Variants in RAD18 observed in about 807,000 individuals in gnomAD.
The protein encoded by RAD18 is RAD18 E3 ubiquitin protein ligase.
RAD18 carries 47 observed loss-of-function variants against 60.4 expected under a neutral mutation model. The observed-to-expected ratio is 0.78, with a 90% CI of 0.62 to 0.99. The LOEUF (loss-of-function observed/expected upper bound fraction) is 0.99, where lower values mean the gene tolerates loss of function less well. Ranked by LOEUF, RAD18 falls within the 50% of genes least tolerant of loss-of-function variation. The pLI, the probability that RAD18 is intolerant of heterozygous loss-of-function variation, is 0.00. For missense variants in RAD18, 640 were observed against 593.3 expected (o/e 1.08, Z -0.82); for synonymous variants, 225 against 195.5 (o/e 1.15, Z -1.26).
At chr3:8,939,777 G>C in intron 5 of RAD18, 124 bp from the exon 6 acceptor site, 2 of 760,692 alleles carry the variant, frequency 2.6e-6, no homozygotes, top group Non-Finnish European at 4.1e-6. Flanking sequence ...ACTTAGAAAA[G>C]CAGAAAAGAA....
At chr3:8,917,162 C>T (rs1940215484) in intron 7 of RAD18, among the ~76,000 whole-genome samples, 1 of 152,142 alleles carries the variant, frequency 6.6e-6, no homozygotes, top group Non-Finnish European at 1.5e-5. Flanking sequence ...AATAGAGTGA[C>T]ATCTTTAAAG....
chr3:8,951,869 T>C (rs1940930904), intron 2 of RAD18, among the ~76,000 whole-genome samples: 2 of 152,160 alleles, frequency 1.3e-5, no homozygotes, highest in Admixed American at 1.3e-4. Flanking sequence ...GCCAATATGG[T>C]AAGTTTATGC....
intron 2 of RAD18, among the ~76,000 whole-genome samples, chr3:8,958,192 T>G (rs1409564230): frequency 6.6e-6 from 1 of 152,230 alleles, no homozygotes; most frequent in Non-Finnish European, 1.5e-5. Context: ...CAGAAACTTT[T>G]CCACCAAAGC....
chr3:8,950,900 T>C (rs1940916511), intron 2 of RAD18, among the ~76,000 whole-genome samples: 1 of 152,174 alleles, frequency 6.6e-6, no homozygotes, highest in Non-Finnish European at 1.5e-5. Flanking sequence ...GGTTCATTAA[T>C]AGATTGAACA....
intron 11 of RAD18, among the ~76,000 whole-genome samples, chr3:8,897,128 T>C (rs566242075): frequency 6.6e-6 from 1 of 152,294 alleles, no homozygotes; most frequent in Admixed American, 6.5e-5. Flanking sequence ...TTTTTTTTAA[T>C]TAGCAAAATA....
rs76654438 is a variant in RAD18, at chr3:8,912,461, T to C, written c.967-89A>G. 552 of 892,472 alleles carry C rather than the reference T, an allele frequency of 6.2e-4. 4 individuals are homozygous for C. In the African/African-American group the frequency reaches 8.0e-3, roughly 13 times the overall value. The allele number at this position is 892,472 out of a possible 1,614,324, so 55.3% of individuals were successfully genotyped here. On this transcript the variant is annotated intron_variant, in intron 8 of 12. Coordinates refer to ENST00000264926, the MANE Select transcript of RAD18 (RefSeq NM_020165.4). ...CAAACCTTCAAATCTCAAATGTGAG[T>C]GTTTAAAATAGAGGAAAATGATCTC...
chr3:8,918,355 T>C (rs9856658), intron 7 of RAD18, among the ~76,000 whole-genome samples: 11,830 of 148,196 alleles, frequency 0.08, 1,538 homozygotes, highest in African/African-American at 0.28. Context: ...AATTATATCG[T>C]GATAAAAGGG....
intron 9 of RAD18, among the ~76,000 whole-genome samples, chr3:8,908,656 T>C (rs1376460671): frequency 2.6e-5 from 4 of 152,188 alleles, no homozygotes; most frequent in Non-Finnish European, 4.4e-5. Flanking sequence ...GCGGTCTGCA[T>C]GCAGTATTTT....
At position 8,922,115 on chromosome 3, in the gene RAD18, G is replaced by A. The variant is rs115759773; in HGVS notation, c.890-8395C>T. Among the ~76,000 whole-genome samples, 517 of 152,290 alleles carry A rather than the reference G, an allele frequency of 3.4e-3. 7 individuals carry two copies. Among genetic ancestry groups the A allele is most frequent in the African/African-American group, 0.012 (483 of 41,566 alleles). The stretch of plus-strand genomic sequence containing the variant: ...GCAGGACAGTGGGAGCGGTGCACCG[G>A]GAGTGAGCTGAAGCAGGGCGAGGCA... On this transcript the variant is annotated intron_variant, in intron 7 of 12. Transcript: ENST00000264926.
chr3:8,908,052 C>T (rs145687371), intron 9 of RAD18, among the ~76,000 whole-genome samples: 3 of 152,296 alleles, frequency 2.0e-5, no homozygotes, highest in Non-Finnish European at 4.4e-5. Flanking sequence ...CAGGATATGA[C>T]AAAGGGTGAG....
chr3:8,934,085 A>G (rs1025457721), intron 7 of RAD18, among the ~76,000 whole-genome samples: 5 of 151,566 alleles, frequency 3.3e-5, no homozygotes, highest in African/African-American at 1.2e-4. Context: ...TTGGTTATTC[A>G]TATGGAAAGA....
intron 9 of RAD18, among the ~76,000 whole-genome samples, chr3:8,906,730 G>C (rs139588028): frequency 6.8e-6 from 1 of 147,938 alleles, no homozygotes; most frequent in Non-Finnish European, 1.5e-5. Context: ...AGTAAATATA[G>C]TCTCTGTTAT....
In RAD18 at chr3:8,947,617, G is replaced by A. The variant is rs192984198; in HGVS notation, c.196-327C>T. Among the ~76,000 whole-genome samples, 181 of 152,212 alleles carry A rather than the reference G, an allele frequency of 1.2e-3. 3 individuals are homozygous for A. Among genetic ancestry groups the A allele is most frequent in the African/African-American group, 4.1e-3 (172 of 41,512 alleles). On this transcript the variant is annotated intron_variant, in intron 3 of 12. Coordinates refer to ENST00000264926, the MANE Select transcript of RAD18 (RefSeq NM_020165.4). ...ACTCAGCTTTCTCAGAAATTTCTCC[G>A]GAAAAACAGAAGAGAAATGTTCTTT...
rs1256327948 is a variant in RAD18 at position 8,958,911 on chromosome 3, C to T, written c.133+9G>A. The T allele has an allele frequency of 6.2e-7, 1 of 1,607,514 alleles. No homozygotes were observed. Among genetic ancestry groups the T allele is most frequent in the South Asian group, 1.1e-5 (1 of 90,600 alleles). On this transcript the variant is annotated intron_variant, in intron 2 of 12. Transcript: ENST00000264926. ...AATTTACTAACTCACAGGAACAAAA[C>T]ATACTTACAGTTATGTGAACACTGA...
chr3:8,930,230 T>C (rs74705950), intron 7 of RAD18, among the ~76,000 whole-genome samples: 2,379 of 152,330 alleles, frequency 0.016, 63 homozygotes, highest in African/African-American at 0.054. Flanking sequence ...GGAATATTAT[T>C]TGGCAATGAA....
chr3:8,882,393 A>T (rs558501179), intron 12 of RAD18, among the ~76,000 whole-genome samples: 3 of 152,178 alleles, frequency 2.0e-5, no homozygotes, highest in Non-Finnish European at 2.9e-5. Context: ...GCAGTAAATC[A>T]TCTCCAGCTG....
intron 2 of RAD18, among the ~76,000 whole-genome samples, chr3:8,953,920 T>C (rs950953433): frequency 3.9e-5 from 6 of 152,164 alleles, no homozygotes. Flanking sequence ...AACTGAAATA[T>C]GAAATGTTCC....
At chr3:8,933,696 AC>A (rs1940601057) in intron 7 of RAD18, among the ~76,000 whole-genome samples, 1 of 152,236 alleles carries the variant, frequency 6.6e-6, no homozygotes, top group Admixed American at 6.5e-5. Flanking sequence ...AAAATCAAAG[AC>A]AAAAAAGGGG....
intron 8 of RAD18, 145 bp downstream of exon 8, chr3:8,913,499 T>C: frequency 1.8e-6 from 1 of 548,238 alleles, no homozygotes; most frequent in Non-Finnish European, 3.0e-6. Flanking sequence ...AATATTGTCC[T>C]AAAATGAGTT....
Sources: gnomAD v4.1 joint callset for allele counts (sites outside exome capture counted in the v4.1 genomes callset) on GRCh38, gnomAD v4.1.1 for gene constraint, MANE v1.5 for transcripts, NCBI Gene and HGNC (gene_info 2026-07-23, HGNC 2026-07-21) for gene names.